TRMT11: variants seen among roughly 807,000 people sequenced by gnomAD.
The protein encoded by TRMT11 is tRNA (guanine(10)-N(2))-methyltransferase TRMT11.
A neutral mutation model predicts 62.8 loss-of-function variants in TRMT11; 53 were observed. The ratio of observed to expected loss-of-function variants is 0.84; its 90% CI spans 0.68 to 1.06. The LOEUF is 1.06. Ranked by LOEUF, TRMT11 falls within the 50% of genes least tolerant of loss-of-function variation. TRMT11 has a pLI of 0.00. For missense variants in TRMT11, 556 were observed against 553.4 expected (o/e 1.00, Z -0.05); for synonymous variants, 188 against 190.3 (o/e 0.99, Z 0.10).
At chr6:126,203,382 A>T (rs910168084), downstream of TRMT11, among the ~76,000 whole-genome samples, 4 of 152,196 alleles carry the variant, frequency 2.6e-5, no homozygotes, top group African/African-American at 9.6e-5. Flanking sequence ...TAGAAGACAG[A>T]TTCAAAACAC....
intron 17 of TRMT11, among the ~76,000 whole-genome samples, chr6:126,056,290 G>A (rs184583877): frequency 1.6e-4 from 24 of 152,204 alleles, no homozygotes; most frequent in Non-Finnish European, 4.4e-5. Context: ...TCCATTAGGC[G>A]AGGAGTTGAA....
At chr6:126,083,900 T>C (rs1193331885) in intron 17 of TRMT11, among the ~76,000 whole-genome samples, 2 of 152,178 alleles carry the variant, frequency 1.3e-5, no homozygotes, top group Non-Finnish European at 2.9e-5. Context: ...GTCTGATGCA[T>C]ATTGTGGCAA....
chr6:126,148,050 T>TAA (rs1001030924), intron 21 of TRMT11, among the ~76,000 whole-genome samples: 13 of 151,756 alleles, frequency 8.6e-5, no homozygotes, highest in African/African-American at 3.1e-4. Flanking sequence ...GTATAATAAT[T>TAA]AAAAAAAAAT....
chr6:126,027,322 C>A (rs1773367917), intron 12 of TRMT11, among the ~76,000 whole-genome samples: 1 of 152,178 alleles, frequency 6.6e-6, no homozygotes, highest in Non-Finnish European at 1.5e-5. Flanking sequence ...TCAACCTTCT[C>A]CATAGAATCT....
downstream of TRMT11, among the ~76,000 whole-genome samples, chr6:126,042,481 A>C (rs1775908542): frequency 6.6e-6 from 1 of 152,168 alleles, no homozygotes. Flanking sequence ...GAATGTTAAG[A>C]TAAGTCAGCT....
chr6:126,001,580 A>G (rs1792490475), intron 7 of TRMT11, among the ~76,000 whole-genome samples: 1 of 152,156 alleles, frequency 6.6e-6, no homozygotes, highest in Non-Finnish European at 1.5e-5. Flanking sequence ...GTTCATAATC[A>G]TAAACAGTAC....
intron 1 of TRMT11, among the ~76,000 whole-genome samples, chr6:126,191,645 G>T (rs1468889105): frequency 6.6e-6 from 1 of 151,752 alleles, no homozygotes; most frequent in Non-Finnish European, 1.5e-5. Context: ...TGGGTATTTA[G>T]TTCCTTCTTC....
At chr6:126,140,080 T>G (rs1193985808) in intron 21 of TRMT11, among the ~76,000 whole-genome samples, 1 of 152,108 alleles carries the variant, frequency 6.6e-6, no homozygotes, top group Non-Finnish European at 1.5e-5. Context: ...AGGGTTTTCT[T>G]CTATTTCTAA....
At chr6:126,055,083 A>G (rs113836773) in intron 17 of TRMT11, among the ~76,000 whole-genome samples, 1,674 of 151,534 alleles carry the variant, frequency 0.011, 28 homozygotes, top group African/African-American at 0.038. Flanking sequence ...TCCCGCCTCA[A>G]CCTCCTGAGA....
chr6:126,155,887 AT>A (rs914069160), intron 21 of TRMT11, among the ~76,000 whole-genome samples: 8 of 148,066 alleles, frequency 5.4e-5, no homozygotes, highest in East Asian at 2.0e-4. Context: ...TGCCCGGGTA[AT>A]TTTTTTTTTT....
At chr6:126,244,615 G>A in the TRMT11 span, among the ~76,000 whole-genome samples, 8 of 152,156 alleles carry the variant, frequency 5.3e-5, no homozygotes, top group African/African-American at 4.8e-5. Flanking sequence ...ACTTAGGGAC[G>A]GATGGATTCT....
chr6:126,171,067 G>T (rs1258118258), intron 21 of TRMT11, among the ~76,000 whole-genome samples: 1 of 152,092 alleles, frequency 6.6e-6, no homozygotes, highest in Non-Finnish European at 1.5e-5. Flanking sequence ...CCTCAGTGCT[G>T]CCCTCTTTTG....
At chr6:126,224,034 G>A in the TRMT11 span, among the ~76,000 whole-genome samples, 1 of 152,120 alleles carries the variant, frequency 6.6e-6, no homozygotes, top group African/African-American at 2.4e-5. Context: ...TCATCTTTCA[G>A]TTCTTATATT....
chr6:125,996,050 A>G lies in TRMT11; in HGVS notation c.212+10A>G. On this transcript the variant is annotated intron_variant, in intron 3 of 12. Transcript: ENST00000334379. The stretch of plus-strand genomic sequence containing the variant: ...GGACAGTGTGTGCCAAGTAAGAGAA[A>G]CTTATGTTCTCCTGCATGAATATAC... The G allele has an allele frequency of 6.3e-7, 1 of 1,575,434 alleles. No individual in the cohort carries two copies. The highest frequency in any genetic ancestry group is 8.7e-7 in the Non-Finnish European group (1 of 1,144,844).
At chr6:126,023,661 CA>C (rs1052063148) in intron 12 of TRMT11, among the ~76,000 whole-genome samples, 1 of 151,348 alleles carries the variant, frequency 6.6e-6, no homozygotes, top group Non-Finnish European at 1.5e-5. Context: ...CAAACAACAA[CA>C]AAAAAAATAA....
intron 21 of TRMT11, among the ~76,000 whole-genome samples, chr6:126,140,979 A>G (rs1348724821): frequency 6.6e-6 from 1 of 152,120 alleles, no homozygotes; most frequent in Non-Finnish European, 1.5e-5. Flanking sequence ...AAAATAACAA[A>G]TAGCTATCTC....
the TRMT11 span, among the ~76,000 whole-genome samples, chr6:126,235,295 C>G: frequency 2.0e-5 from 3 of 152,122 alleles, no homozygotes; most frequent in Admixed American, 2.0e-4. Flanking sequence ...GACAGTTTGT[C>G]GAATCCTCAA....
chr6:126,154,661 C>T (rs956983189), intron 21 of TRMT11, among the ~76,000 whole-genome samples: 3 of 152,150 alleles, frequency 2.0e-5, no homozygotes, highest in African/African-American at 7.2e-5. Context: ...CAGTAAAGGG[C>T]ATCTGGAAGA....
At chr6:126,173,752 T>G (rs1778355330), upstream of TRMT11, among the ~76,000 whole-genome samples, 2 of 152,188 alleles carry the variant, frequency 1.3e-5, no homozygotes, top group African/African-American at 2.4e-5. Flanking sequence ...CCTCAAGCAG[T>G]GAAGTGAAGA....
Sources: allele counts gnomAD v4.1 joint callset (sites outside exome capture counted in the v4.1 genomes callset), GRCh38; gene constraint gnomAD v4.1.1; transcripts MANE v1.5; gene names NCBI Gene and HGNC (gene_info 2026-07-23, HGNC 2026-07-21).